Variants in WDR49 observed in about 807,000 individuals in gnomAD.
WDR49 encodes the protein WD repeat domain 49.
WDR49 carries 107 observed loss-of-function variants against 119.5 expected under a neutral mutation model. The observed-to-expected ratio is 0.90, with a 90% CI of 0.77 to 1.05. WDR49 has a LOEUF of 1.05. Ranked by LOEUF, WDR49 falls within the 50% of genes least tolerant of loss-of-function variation. WDR49 has a pLI of 0.00. For missense variants in WDR49, 1,240 were observed against 1,220.5 expected (o/e 1.02, Z -0.24); for synonymous variants, 425 against 418.8 (o/e 1.01, Z -0.18).
intron 2 of WDR49, among the ~76,000 whole-genome samples, chr3:167,633,782 A>G (rs1333435201): frequency 6.6e-6 from 1 of 151,220 alleles, no homozygotes; most frequent in Admixed American, 6.9e-5. Context: ...GGTTTGACAC[A>G]TAACATTTGT....
chr3:167,530,442 T>C (rs979948713), intron 13 of WDR49, among the ~76,000 whole-genome samples: 6 of 152,104 alleles, frequency 3.9e-5, no homozygotes, highest in African/African-American at 1.4e-4. Flanking sequence ...ATGCTAATAT[T>C]GCCACTGACA....
intron 7 of WDR49, among the ~76,000 whole-genome samples, chr3:167,596,036 A>G (rs1715411819): frequency 6.9e-6 from 1 of 144,818 alleles, no homozygotes; most frequent in Admixed American, 7.0e-5. Flanking sequence ...AAAAACAAAC[A>G]ACCCCATCAA....
At chr3:167,622,859 A>G (rs78546987) in intron 3 of WDR49, among the ~76,000 whole-genome samples, 13,589 of 152,216 alleles carry the variant, frequency 0.089, 810 homozygotes, top group Middle Eastern at 0.19. Context: ...TTGAAATTAT[A>G]TAAATTATAT....
chr3:167,499,372 C>A (rs955648397), intron 18 of WDR49, among the ~76,000 whole-genome samples: 1 of 152,170 alleles, frequency 6.6e-6, no homozygotes, highest in Non-Finnish European at 1.5e-5. Flanking sequence ...CCACAGATCT[C>A]AGATAGCTTC....
intron 16 of WDR49, among the ~76,000 whole-genome samples, chr3:167,520,210 G>A (rs1383270215): frequency 6.6e-6 from 1 of 151,170 alleles, no homozygotes; most frequent in Non-Finnish European, 1.5e-5. Context: ...TCGCACCACT[G>A]CATTTCAGCT....
rs138061130 is a variant in WDR49 at position 167,508,720 on chromosome 3, A to T, written c.2775-3304T>A. Among the ~76,000 whole-genome samples, 252 of 152,306 alleles carry T rather than the reference A, an allele frequency of 1.7e-3. 2 individuals are homozygous for T. Among genetic ancestry groups the T allele is most frequent in the Middle Eastern group, 3.4e-3 (1 of 294 alleles). ...GTATTTTTAAAGTTCAAATTTCAAA[A>T]ATTGAATAGAGTATCATATGCTTTC... On this transcript the variant is annotated intron_variant, in intron 16 of 18. Transcript: ENST00000682715.
chr3:167,549,154 C>A (rs951159253), intron 10 of WDR49, among the ~76,000 whole-genome samples: 3 of 152,096 alleles, frequency 2.0e-5, no homozygotes, highest in South Asian at 4.1e-4. Flanking sequence ...AATAAACATA[C>A]GTGCGCATGT....
At chr3:167,493,083 A>C (rs1169232724) in intron 18 of WDR49, among the ~76,000 whole-genome samples, 1 of 152,134 alleles carries the variant, frequency 6.6e-6, no homozygotes, top group African/African-American at 2.4e-5. Context: ...ATGGAGAGAC[A>C]CTGGAGGAGA....
chr3:167,633,398 G>A (rs558828386), intron 2 of WDR49: 2 of 454,566 alleles, frequency 4.4e-6, no homozygotes, highest in African/African-American at 4.0e-5. Context: ...CCTGGTGAAA[G>A]TAAAGTTTAC....
chr3:167,586,622 T>C (rs1354335835), intron 7 of WDR49, among the ~76,000 whole-genome samples: 3 of 152,134 alleles, frequency 2.0e-5, no homozygotes, highest in Non-Finnish European at 2.9e-5. Context: ...TCCTATAAAA[T>C]ATCCAAAAGA....
At chr3:167,655,771 G>A (rs372483463), upstream of WDR49, among the ~76,000 whole-genome samples, 2 of 152,160 alleles carry the variant, frequency 1.3e-5, no homozygotes, top group East Asian at 1.9e-4. Flanking sequence ...GGTGGCAGGC[G>A]CCTGTAATCC....
chr3:167,511,011 G>A (rs2108219696), intron 16 of WDR49, among the ~76,000 whole-genome samples: 1 of 152,044 alleles, frequency 6.6e-6, no homozygotes, highest in East Asian at 1.9e-4. Flanking sequence ...AGGTAAAGGG[G>A]CACATTCTTC....
intron 16 of WDR49, among the ~76,000 whole-genome samples, chr3:167,517,902 A>C (rs1233540532): frequency 6.6e-6 from 1 of 150,836 alleles, no homozygotes; most frequent in African/African-American, 2.4e-5. Flanking sequence ...ACCCCACAAC[A>C]GTCCCCAGAG....
At chr3:167,613,765 C>A (rs1006526634) in intron 5 of WDR49, among the ~76,000 whole-genome samples, 2 of 151,752 alleles carry the variant, frequency 1.3e-5, no homozygotes, top group Admixed American at 6.6e-5. Flanking sequence ...GCTAACATGG[C>A]GAAACCCCGT....
At chr3:167,632,051 G>A (rs1717400918) in intron 2 of WDR49, among the ~76,000 whole-genome samples, 1 of 152,022 alleles carries the variant, frequency 6.6e-6, no homozygotes, top group African/African-American at 2.4e-5. Context: ...GGTCCTAAAA[G>A]TGCTCCATCT....
At position 167,500,203 on chromosome 3, in the gene WDR49, T is replaced by A. The variant is rs1751507193; in HGVS notation, c.2981A>T (p.Glu994Val). ...LLDPEKYFRKEPEEERPQILE... is the reference protein window; with the variant it reads ...LLDPEKYFRKVPEEERPQILE... ...AATTTGGGGACGCTCTTCCTCTGGT[T>A]CTTTCCTAAAGTATTTCTCAGGGTC... Residue 994 changes from glutamate (E) to valine (V), a missense_variant, in exon 18 of 19, where the codon GAA (glutamate) becomes GTA (valine). Transcript: ENST00000682715. The A allele has an allele frequency of 1.3e-6, 2 of 1,591,518 alleles. No individual in the cohort carries two copies. The highest frequency in any genetic ancestry group is 1.9e-5 in the Admixed American group (1 of 53,160).
chr3:167,492,869 A>G (rs1435437013), intron 18 of WDR49, among the ~76,000 whole-genome samples: 1 of 149,832 alleles, frequency 6.7e-6, no homozygotes, highest in Non-Finnish European at 1.5e-5. Context: ...TATCGGGTAT[A>G]AAACTGTAAT....
chr3:167,570,974 G>A (rs1337547164), intron 8 of WDR49, among the ~76,000 whole-genome samples: 1 of 149,848 alleles, frequency 6.7e-6, no homozygotes, highest in African/African-American at 2.5e-5. Context: ...GCGGTGAGCC[G>A]AGATAGCACC....
At chr3:167,601,026 G>T (rs1050688921) in intron 7 of WDR49, among the ~76,000 whole-genome samples, 2 of 152,142 alleles carry the variant, frequency 1.3e-5, no homozygotes, top group African/African-American at 4.8e-5. Flanking sequence ...CAAATTAGCA[G>T]AATGGAGGGC....
Sources: gnomAD v4.1 joint callset for allele counts (sites outside exome capture counted in the v4.1 genomes callset) on GRCh38, gnomAD v4.1.1 for gene constraint, MANE v1.5 for transcripts, NCBI Gene and HGNC (gene_info 2026-07-23, HGNC 2026-07-21) for gene names.